The following ADGRB3 variants were observed in gnomAD, a reference collection of about 807,000 sequenced individuals.
ADGRB3 encodes adhesion G protein-coupled receptor B3, also known as brain-specific angiogenesis inhibitor 3.
A neutral mutation model predicts 193.4 loss-of-function variants in ADGRB3; 37 were observed. The observed-to-expected ratio is 0.19, with a 90% CI of 0.15 to 0.25. ADGRB3 has a LOEUF of 0.25. ADGRB3 is among the 10% of genes least tolerant of loss of function. The pLI is 1.00. For missense variants in ADGRB3, 1,637 were observed against 1,852.9 expected (o/e 0.88, Z 2.14); for synonymous variants, 690 against 644.2 (o/e 1.07, Z -1.08).
At chr6:68,812,844 G>C (rs1312261631) in intron 3 of ADGRB3, among the ~76,000 whole-genome samples, 2 of 149,432 alleles carry the variant, frequency 1.3e-5, no homozygotes, top group Non-Finnish European at 3.0e-5. Flanking sequence ...CCCCCCACAG[G>C]CCCCAGTGTG....
intron 17 of ADGRB3, among the ~76,000 whole-genome samples, chr6:69,179,247 T>G (rs757976038): frequency 1.5e-4 from 23 of 152,348 alleles, no homozygotes; most frequent in Non-Finnish European, 3.2e-4. Flanking sequence ...CTTCAAGCTC[T>G]GAAATTATTT....
chr6:68,848,868 G>A (rs530052303), intron 3 of ADGRB3, among the ~76,000 whole-genome samples: 1 of 151,980 alleles, frequency 6.6e-6, no homozygotes, highest in South Asian at 2.1e-4. Context: ...TTTTCCTAAG[G>A]CGGCATTAGC....
intron 3 of ADGRB3, among the ~76,000 whole-genome samples, chr6:68,704,156 G>T (rs1359724863): frequency 1.3e-5 from 2 of 152,060 alleles, no homozygotes; most frequent in Non-Finnish European, 2.9e-5. Flanking sequence ...TAATTTGAAG[G>T]TTGTCCAAAT....
intron 17 of ADGRB3, among the ~76,000 whole-genome samples, chr6:69,118,749 GA>G (rs35603219): frequency 0.64 from 96,263 of 150,004 alleles, 31,903 homozygotes; most frequent in East Asian, 0.95. Flanking sequence ...CTGCTTTACA[GA>G]AAAAAAAAAT....
chr6:68,642,298 C>A (rs952738934), intron 3 of ADGRB3, among the ~76,000 whole-genome samples: 1 of 151,982 alleles, frequency 6.6e-6, no homozygotes, highest in Non-Finnish European at 1.5e-5. Flanking sequence ...ATGGTGATGG[C>A]AAAGATATAT....
chr6:68,842,387 C>G (rs1275544258), intron 3 of ADGRB3, among the ~76,000 whole-genome samples: 2 of 151,734 alleles, frequency 1.3e-5, no homozygotes, highest in Admixed American at 1.3e-4. Context: ...ATGTTAGGAA[C>G]TATATAACTA....
intron 3 of ADGRB3, among the ~76,000 whole-genome samples, chr6:68,896,260 C>G (rs1766215547): frequency 6.6e-6 from 1 of 152,060 alleles, no homozygotes. Context: ...TAGTTTCTGT[C>G]TGTCCTCTAT....
chr6:69,383,189 T>C (rs1227720648), intron 31 of ADGRB3, among the ~76,000 whole-genome samples: 1 of 152,070 alleles, frequency 6.6e-6, no homozygotes, highest in East Asian at 1.9e-4. Context: ...CAAAACTATA[T>C]TGGCTTCATC....
chr6:69,147,272 T>A (rs569520506), intron 17 of ADGRB3, among the ~76,000 whole-genome samples: 4 of 152,288 alleles, frequency 2.6e-5, no homozygotes, highest in African/African-American at 9.6e-5. Flanking sequence ...TTTTGAGGTA[T>A]GCACTTGTAG....
chr6:68,857,197 G>A (rs1334540354), intron 3 of ADGRB3, among the ~76,000 whole-genome samples: 5 of 152,222 alleles, frequency 3.3e-5, no homozygotes, highest in African/African-American at 1.2e-4. Flanking sequence ...GAAATGTGGG[G>A]TTGGAGCCCC....
chr6:69,038,590 A>G (rs1489166590), intron 13 of ADGRB3, among the ~76,000 whole-genome samples: 2 of 152,196 alleles, frequency 1.3e-5, no homozygotes, highest in Admixed American at 6.5e-5. Context: ...GAAATCATGA[A>G]TTACTTGTGT....
At chr6:68,840,289 A>G (rs13218065) in intron 3 of ADGRB3, among the ~76,000 whole-genome samples, 2 of 147,986 alleles carry the variant, frequency 1.4e-5, no homozygotes, top group Non-Finnish European at 3.0e-5. Flanking sequence ...AAGGAGAGGG[A>G]AGAGTAAAGA....
At chr6:68,856,744 G>T (rs537092547) in intron 3 of ADGRB3, among the ~76,000 whole-genome samples, 4 of 152,350 alleles carry the variant, frequency 2.6e-5, no homozygotes, top group Non-Finnish European at 5.9e-5. Context: ...GCTAGCTGCA[G>T]AAATTAGCAT....
intron 20 of ADGRB3, among the ~76,000 whole-genome samples, chr6:69,291,792 T>G (rs1416032489): frequency 6.6e-6 from 1 of 152,114 alleles, no homozygotes; most frequent in East Asian, 1.9e-4. Flanking sequence ...CTAAAGGAAT[T>G]TGATAAAGAG....
intron 3 of ADGRB3, among the ~76,000 whole-genome samples, chr6:68,787,122 T>C (rs1766991742): frequency 6.6e-6 from 1 of 152,176 alleles, no homozygotes; most frequent in African/African-American, 2.4e-5. Flanking sequence ...GACTTCCTCT[T>C]TTCCTAATTG....
chr6:69,237,672 A>G (rs1766298620), intron 19 of ADGRB3, among the ~76,000 whole-genome samples: 2 of 152,088 alleles, frequency 1.3e-5, no homozygotes, highest in African/African-American at 4.8e-5. Context: ...GTCTATTTAC[A>G]GAACAAAAAG....
At chr6:69,162,547 A>G (rs1169873649) in intron 17 of ADGRB3, among the ~76,000 whole-genome samples, 1 of 152,124 alleles carries the variant, frequency 6.6e-6, no homozygotes, top group Non-Finnish European at 1.5e-5. Context: ...ATACATAAGT[A>G]CAAACATTCA....
At chr6:69,061,622 G>A (rs2150307437) in intron 15 of ADGRB3, among the ~76,000 whole-genome samples, 1 of 151,872 alleles carries the variant, frequency 6.6e-6, no homozygotes, top group South Asian at 2.1e-4. Flanking sequence ...TATTTCTAAA[G>A]GCTAAAAATC....
intron 3 of ADGRB3, among the ~76,000 whole-genome samples, chr6:68,737,223 A>G (rs1765889736): frequency 6.6e-6 from 1 of 152,178 alleles, no homozygotes; most frequent in Admixed American, 6.6e-5. Flanking sequence ...ATTGTATCAA[A>G]TAATTGTCCC....
Sources: gnomAD v4.1 joint callset for allele counts (sites outside exome capture counted in the v4.1 genomes callset) on GRCh38, gnomAD v4.1.1 for gene constraint, MANE v1.5 for transcripts, NCBI Gene and HGNC (gene_info 2026-07-23, HGNC 2026-07-21) for gene names.